DTNB: variants seen among roughly 807,000 people sequenced by gnomAD.
DTNB encodes DTN-B.
Under a neutral mutation model 90.7 loss-of-function variants are expected in DTNB, and 63 were observed. That is an observed-to-expected ratio of 0.69 (90% CI 0.57 to 0.86). The LOEUF is 0.86. Ranked by LOEUF, DTNB falls within the 40% of genes least tolerant of loss-of-function variation. The pLI is 0.00. For synonymous variants in DTNB, 277 were observed against 286.7 expected (o/e 0.97, Z 0.34); for missense variants, 744 against 807.1 (o/e 0.92, Z 0.95).
At chr2:25,467,299 CTTTT>C (rs11345885) in intron 10 of DTNB, among the ~76,000 whole-genome samples, 2 of 120,122 alleles carry the variant, frequency 1.7e-5, no homozygotes, top group Non-Finnish European at 1.7e-5. Context: ...TTCTTTCTTT[CTTTT>C]TTTTTTTTTT....
At chr2:25,497,718 C>T (rs1243835950) in intron 9 of DTNB, 1 of 152,206 alleles carries the variant, frequency 6.6e-6, no homozygotes, top group Admixed American at 6.5e-5. Flanking sequence ...GTAGTCCCAT[C>T]ATGAGATTGT....
chr2:25,632,192 C>CCA (rs2075903981), intron 3 of DTNB, among the ~76,000 whole-genome samples: 2 of 76,882 alleles, frequency 2.6e-5, no homozygotes, highest in Admixed American at 1.6e-4. Context: ...GACTCTGTCT[C>CCA]AAAAAAAAAA....
intron 10 of DTNB, among the ~76,000 whole-genome samples, chr2:25,464,481 T>C (rs1420712604): frequency 1.3e-5 from 2 of 152,130 alleles, no homozygotes; most frequent in South Asian, 2.1e-4. Context: ...AAGCATAAAA[T>C]AAACATCCAT....
At chr2:25,524,955 C>T (rs1339750620) in intron 9 of DTNB, among the ~76,000 whole-genome samples, 1 of 152,156 alleles carries the variant, frequency 6.6e-6, no homozygotes, top group Non-Finnish European at 1.5e-5. Context: ...TAGCCTCCTA[C>T]CTTACAGGAT....
Position 25,451,617 on chromosome 2 carries a change from G to GC in DTNB, c.1187dup (p.Ser396ArgfsTer5). The GC allele has an allele frequency of 1.2e-6, 2 of 1,602,364 alleles. No homozygotes were observed. Among genetic ancestry groups the GC allele is most frequent in the Non-Finnish European group, 1.7e-6 (2 of 1,174,262 alleles). ...TAAGACGGTGTTCCTCATCCAGTCG[G>GC]CTAGGACTGTCCAGAACACTGCCAA... On this transcript the variant is annotated frameshift_variant, in exon 12 of 21. Coordinates refer to ENST00000406818, the MANE Select transcript of DTNB (RefSeq NM_021907.5). LOFTEE classifies it high-confidence loss of function.
At chr2:25,466,724 A>T (rs2061850910) in intron 10 of DTNB, among the ~76,000 whole-genome samples, 1 of 152,248 alleles carries the variant, frequency 6.6e-6, no homozygotes, top group African/African-American at 2.4e-5. Context: ...GAGTTCAGTG[A>T]CATTTTCTTA....
At chr2:25,566,725 A>G (rs41364849) in intron 8 of DTNB, among the ~76,000 whole-genome samples, 3,940 of 152,324 alleles carry the variant, frequency 0.026, 168 homozygotes, top group African/African-American at 0.087. Context: ...ATGTGAGAGA[A>G]TAAATAACCA....
intron 1 of DTNB, among the ~76,000 whole-genome samples, chr2:25,673,165 G>A (rs949673021): frequency 6.6e-6 from 1 of 151,570 alleles, no homozygotes; most frequent in Non-Finnish European, 1.5e-5. Flanking sequence ...CATCCCCTCT[G>A]CCTGTCCCTC....
chr2:25,472,670 G>A (rs2063027054), intron 10 of DTNB, among the ~76,000 whole-genome samples: 1 of 152,158 alleles, frequency 6.6e-6, no homozygotes, highest in Non-Finnish European at 1.5e-5. Flanking sequence ...GATCACCTGA[G>A]GTCAGGAGTT....
chr2:25,595,360 C>G (rs2148396730), intron 6 of DTNB, among the ~76,000 whole-genome samples: 1 of 152,206 alleles, frequency 6.6e-6, no homozygotes, highest in East Asian at 1.9e-4. Context: ...ATCCTGTTTC[C>G]ATTAATTTTT....
chr2:25,595,341 T>A (rs1386202588), intron 6 of DTNB, among the ~76,000 whole-genome samples: 1 of 152,254 alleles, frequency 6.6e-6, no homozygotes, highest in Non-Finnish European at 1.5e-5. Flanking sequence ...ACTTTTAGAA[T>A]ATGTCAATAT....
Position 25,502,343 on chromosome 2 carries a change from GAA to G in DTNB, c.1002-19472_1002-19471del, listed in dbSNP as rs1171908206. ...GAGCGATACCTTCAAGCAATGAAGAGAAAACAACTTTGGCTGGACTCTAAACC... is the reference window on the plus strand; with the variant it reads ...GAGCGATACCTTCAAGCAATGAAGAGAACAACTTTGGCTGGACTCTAAACC... On this transcript the variant is annotated intron_variant, in intron 9 of 20. Transcript: ENST00000406818. Among the ~76,000 whole-genome samples the G allele has an allele frequency of 1.8e-4, 28 of 152,302 alleles. No homozygotes were observed. The East Asian group carries it at 5.2e-3, about 28-fold the overall frequency.
At chr2:25,528,112 A>G (rs945969247) in intron 9 of DTNB, among the ~76,000 whole-genome samples, 2 of 152,220 alleles carry the variant, frequency 1.3e-5, no homozygotes, top group Admixed American at 6.5e-5. Context: ...GTAATTCACT[A>G]CAATAACAGA....
chr2:25,513,057 C>T (rs1033099738), intron 9 of DTNB, among the ~76,000 whole-genome samples: 1 of 152,166 alleles, frequency 6.6e-6, no homozygotes, highest in Admixed American at 6.5e-5. Flanking sequence ...GTAGACAGAT[C>T]AGAGTTTTGA....
chr2:25,443,426 T>G (rs190666805), intron 12 of DTNB, among the ~76,000 whole-genome samples: 139 of 152,312 alleles, frequency 9.1e-4, no homozygotes, highest in African/African-American at 3.3e-3. Context: ...TGAGTCAAAC[T>G]GGGCAAATGT....
At chr2:25,611,194 T>C (rs1477134652) in intron 4 of DTNB, among the ~76,000 whole-genome samples, 2 of 152,258 alleles carry the variant, frequency 1.3e-5, no homozygotes, top group African/African-American at 4.8e-5. Context: ...TTCTGTTGTA[T>C]GAATATACTG....
intron 14 of DTNB, among the ~76,000 whole-genome samples, chr2:25,429,709 G>A (rs543897059): frequency 6.6e-6 from 1 of 152,128 alleles, no homozygotes; most frequent in Non-Finnish European, 1.5e-5. Flanking sequence ...CATGCATCCA[G>A]TATCACCTAA....
intron 10 of DTNB, among the ~76,000 whole-genome samples, chr2:25,478,437 T>C (rs769864774): frequency 2.0e-5 from 3 of 152,176 alleles, no homozygotes; most frequent in Non-Finnish European, 4.4e-5. Context: ...TGTGTGCATG[T>C]GTGCACACAG....
At chr2:25,628,468 G>T in intron 3 of DTNB, 84 bp from the exon 4 acceptor site, 1 of 1,279,746 alleles carries the variant, frequency 7.8e-7, no homozygotes, top group Non-Finnish European at 1.1e-6. Context: ...TTATCAACTA[G>T]TTCTTAAGTT....
Sources: gnomAD v4.1 joint callset for allele counts (sites outside exome capture counted in the v4.1 genomes callset) on GRCh38, gnomAD v4.1.1 for gene constraint, MANE v1.5 for transcripts, NCBI Gene and HGNC (gene_info 2026-07-23, HGNC 2026-07-21) for gene names.